Variants in STX8 observed in about 807,000 individuals in gnomAD.
STX8 encodes syntaxin 8, also known as syntaxin-8.
Under a neutral mutation model 37.5 loss-of-function variants are expected in STX8, and 23 were observed. That is an observed-to-expected ratio of 0.61 (90% CI 0.44 to 0.87). The LOEUF (loss-of-function observed/expected upper bound fraction) is 0.87. Among genes scored for constraint, STX8 ranks in the 40% least tolerant of loss-of-function variants. The pLI is 0.00. For missense variants in STX8, 313 were observed against 284.7 expected, an observed-to-expected ratio of 1.10 and a Z score of -0.71; for synonymous variants, 115 against 99.1, an observed-to-expected ratio of 1.16 and a Z score of -0.95.
At chr17:9,297,013 CT>C (rs1466993396) in intron 7 of STX8, among the ~76,000 whole-genome samples, 1 of 152,058 alleles carries the variant, frequency 6.6e-6, no homozygotes, top group African/African-American at 2.4e-5. Flanking sequence ...GTTGCCTTAT[CT>C]TGTAAATGGG....
At chr17:9,402,086 C>T (rs184638874) in intron 6 of STX8, among the ~76,000 whole-genome samples, 100 of 149,380 alleles carry the variant, frequency 6.7e-4, no homozygotes, top group South Asian at 2.4e-3. Flanking sequence ...TTTTCAATAG[C>T]CCTTGTATTT....
At chr17:9,375,217 A>C (rs1175657470) in intron 7 of STX8, among the ~76,000 whole-genome samples, 1 of 152,160 alleles carries the variant, frequency 6.6e-6, no homozygotes, top group Non-Finnish European at 1.5e-5. Context: ...GGCATGAGAT[A>C]AATGTATAGT....
intron 7 of STX8, among the ~76,000 whole-genome samples, chr17:9,370,684 CTG>C (rs1363865016): frequency 6.6e-6 from 1 of 152,188 alleles, no homozygotes; most frequent in East Asian, 1.9e-4. Context: ...AGAAGCAAGA[CTG>C]TACATCCACC....
chr17:9,450,739 T>G (rs1415019224), intron 6 of STX8, among the ~76,000 whole-genome samples: 1 of 152,134 alleles, frequency 6.6e-6, no homozygotes, highest in Non-Finnish European at 1.5e-5. Flanking sequence ...GACTCATTGA[T>G]CAATTTCAAG....
chr17:9,490,978 G>C (rs1341559691), intron 6 of STX8, among the ~76,000 whole-genome samples: 1 of 152,080 alleles, frequency 6.6e-6, no homozygotes, highest in Non-Finnish European at 1.5e-5. Context: ...GCACATAGTG[G>C]GGGCTTTCCA....
At chr17:9,458,979 AC>A (rs1305928768) in intron 6 of STX8, among the ~76,000 whole-genome samples, 3 of 151,804 alleles carry the variant, frequency 2.0e-5, no homozygotes, top group Non-Finnish European at 4.4e-5. Context: ...ACAGGCGCCC[AC>A]CACCACGCCC....
Position 9,457,644 on chromosome 17 carries a change from G to A in STX8, c.541+34185C>T, listed in dbSNP as rs1030113441. ...TAATTCTGCCTACCATAATCTCTGTGCTCTTCCAGCCTCAATGAGGGCTTT... is the reference window on the plus strand; with the variant it reads ...TAATTCTGCCTACCATAATCTCTGTACTCTTCCAGCCTCAATGAGGGCTTT... On this transcript the variant is annotated intron_variant, in intron 6 of 7. Transcript: ENST00000306357. 3.3e-5 allele frequency among the ~76,000 whole-genome samples: 5 copies of A among 152,258 alleles called. No individual in the cohort carries two copies. The East Asian group carries it at 5.8e-4, about 18-fold the overall frequency.
At chr17:9,439,230 G>T (rs1009823617) in intron 6 of STX8, among the ~76,000 whole-genome samples, 2 of 152,048 alleles carry the variant, frequency 1.3e-5, no homozygotes, top group African/African-American at 4.8e-5. Context: ...TCTAGATAAG[G>T]TATTCCAGTT....
intron 6 of STX8, among the ~76,000 whole-genome samples, chr17:9,455,772 C>A (rs1442864462): frequency 6.6e-6 from 1 of 152,158 alleles, no homozygotes; most frequent in East Asian, 1.9e-4. Context: ...CCTCTGCAGA[C>A]AGTACATACA....
chr17:9,522,824 C>G (rs942267236), intron 4 of STX8, among the ~76,000 whole-genome samples: 1 of 151,998 alleles, frequency 6.6e-6, no homozygotes, highest in Non-Finnish European at 1.5e-5. Flanking sequence ...CAGGGAACAG[C>G]TGGATGGCAG....
intron 6 of STX8, among the ~76,000 whole-genome samples, chr17:9,491,136 G>A (rs778639240): frequency 1.9e-4 from 29 of 152,106 alleles, no homozygotes; most frequent in Non-Finnish European, 2.9e-4. Flanking sequence ...ATCTCCCGCC[G>A]GCATCTCTAA....
At chr17:9,438,507 T>C (rs1904525058) in intron 6 of STX8, among the ~76,000 whole-genome samples, 1 of 152,172 alleles carries the variant, frequency 6.6e-6, no homozygotes, top group African/African-American at 2.4e-5. Flanking sequence ...AACACGGCTT[T>C]AGACCAGTGG....
intron 6 of STX8, among the ~76,000 whole-genome samples, chr17:9,439,456 A>G (rs926211930): frequency 6.6e-6 from 1 of 151,996 alleles, no homozygotes; most frequent in African/African-American, 2.4e-5. Context: ...AAATTTACTT[A>G]TATCTTCAAT....
intron 6 of STX8, among the ~76,000 whole-genome samples, chr17:9,390,073 C>T (rs1471479984): frequency 6.6e-6 from 1 of 152,198 alleles, no homozygotes; most frequent in Non-Finnish European, 1.5e-5. Context: ...GCTTTGGGGA[C>T]ACAGGGAAAG....
intron 4 of STX8, among the ~76,000 whole-genome samples, chr17:9,512,196 C>G (rs978311854): frequency 1.2e-4 from 19 of 152,250 alleles, no homozygotes; most frequent in African/African-American, 4.3e-4. Flanking sequence ...AATGCAATCT[C>G]TATCAAAATA....
intron 7 of STX8, among the ~76,000 whole-genome samples, chr17:9,364,764 C>T (rs1324622374): frequency 6.6e-6 from 1 of 152,038 alleles, no homozygotes; most frequent in Non-Finnish European, 1.5e-5. Flanking sequence ...AAACTCTTGA[C>T]CTCAGGTGAT....
intron 4 of STX8, among the ~76,000 whole-genome samples, chr17:9,530,321 A>C (rs1164756138): frequency 6.6e-6 from 1 of 152,120 alleles, no homozygotes; most frequent in Admixed American, 6.6e-5. Flanking sequence ...AAAAAAAAAA[A>C]AAAAAAACAG....
intron 3 of STX8, chr17:9,553,008 C>T (rs539930087): frequency 6.6e-6 from 1 of 152,106 alleles, no homozygotes; most frequent in Non-Finnish European, 1.5e-5. Context: ...TGACATCAAA[C>T]CCCTCTGTAA....
chr17:9,454,677 C>CA lies in STX8; in HGVS notation c.541+37151dup, dbSNP rs71135986. On this transcript the variant is annotated intron_variant, in intron 6 of 7. Coordinates refer to ENST00000306357, the MANE Select transcript of STX8 (RefSeq NM_004853.3). ...CCTGGGCGACAGAGCGAGACTGTCT[C>CA]AAAAAAAAAAAAACAAAAAAACTTA... 1.6e-3 allele frequency among the ~76,000 whole-genome samples: 202 copies of CA among 128,928 alleles called. 7 individuals are homozygous for CA. The highest frequency in any genetic ancestry group is 5.6e-3 in the African/African-American group (180 of 32,092). The allele number at this position is 128,928 out of a possible 152,430, so 84.6% of individuals were successfully genotyped here. A position where few individuals can be genotyped will look rare whatever the true frequency, so the allele number is the denominator to read the frequency against.
Sources: allele counts gnomAD v4.1 joint callset (sites outside exome capture counted in the v4.1 genomes callset), GRCh38; gene constraint gnomAD v4.1.1; transcripts MANE v1.5; gene names NCBI Gene and HGNC (gene_info 2026-07-23, HGNC 2026-07-21).